The following ADAMTS16 variants were observed in gnomAD, a reference collection of about 807,000 sequenced individuals.
The protein encoded by ADAMTS16 is A disintegrin and metalloproteinase with thrombospondin motifs 16.
Under a neutral mutation model 145.8 loss-of-function variants are expected in ADAMTS16, and 94 were observed. The ratio of observed to expected loss-of-function variants is 0.64; its 90% CI spans 0.55 to 0.77. The LOEUF is 0.77. Among genes scored for constraint, ADAMTS16 ranks in the 30% least tolerant of loss-of-function variants. The probability of loss-of-function intolerance (pLI) is 0.00; values close to 1 mark genes in which losing one functional copy is unlikely to be tolerated. For synonymous variants in ADAMTS16, 659 were observed against 604.3 expected (o/e 1.09, Z -1.33); for missense variants, 1,585 against 1,591.5 (o/e 1.00, Z 0.07).
At chr5:5,232,878 C>T (rs1736978311) in intron 12 of ADAMTS16, among the ~76,000 whole-genome samples, 1 of 152,124 alleles carries the variant, frequency 6.6e-6, no homozygotes. Context: ...GCTGGGATTA[C>T]AGGTATGAGC....
chr5:5,148,256 A>G (rs1313660400), intron 3 of ADAMTS16, among the ~76,000 whole-genome samples: 1 of 152,202 alleles, frequency 6.6e-6, no homozygotes, highest in Non-Finnish European at 1.5e-5. Context: ...AACCAGACTT[A>G]AGAGTGTGAG....
chr5:5,224,113 G>C (rs548206165), intron 11 of ADAMTS16, among the ~76,000 whole-genome samples: 2 of 152,036 alleles, frequency 1.3e-5, no homozygotes, highest in South Asian at 2.1e-4. Context: ...TAAACTTATT[G>C]AGAATAGCCC....
chr5:5,204,709 A>T (rs1275331501), intron 9 of ADAMTS16, among the ~76,000 whole-genome samples: 3 of 152,146 alleles, frequency 2.0e-5, no homozygotes, highest in African/African-American at 7.2e-5. Flanking sequence ...TGAGTTTCCA[A>T]TTTTTGGCGA....
intron 12 of ADAMTS16, 84 bp downstream of exon 12, chr5:5,232,600 C>CTTTTT (rs748424956): frequency 1.5e-5 from 14 of 906,112 alleles, no homozygotes; most frequent in East Asian, 3.7e-5. Context: ...TGTCTCAGCT[C>CTTTTT]TTTTTTTTTT....
chr5:5,165,089 A>G (rs1373396553), intron 3 of ADAMTS16, among the ~76,000 whole-genome samples: 1 of 152,030 alleles, frequency 6.6e-6, no homozygotes, highest in Admixed American at 6.5e-5. Context: ...CCCAGAAAGC[A>G]CTCACATACC....
chr5:5,305,938 C>T (rs1740134041), intron 20 of ADAMTS16, among the ~76,000 whole-genome samples: 1 of 152,242 alleles, frequency 6.6e-6, no homozygotes, highest in Admixed American at 6.5e-5. Flanking sequence ...TTGCACAGGG[C>T]ACCTCTGCAC....
chr5:5,307,845 T>C (rs1740244359), intron 21 of ADAMTS16, among the ~76,000 whole-genome samples: 1 of 152,278 alleles, frequency 6.6e-6, no homozygotes, highest in Middle Eastern at 3.4e-3. Flanking sequence ...GTCACTGCAC[T>C]GGGGTCCTTG....
Position 5,262,714 on chromosome 5 carries a change from CCTT to C in ADAMTS16, c.2723_2725del (p.Phe908del). 6.2e-7 allele frequency: 1 copy of C among 1,614,230 alleles called. No individual in the cohort carries two copies. Among genetic ancestry groups the C allele is most frequent in the Non-Finnish European group, 8.5e-7 (1 of 1,180,046 alleles). On this transcript the variant is annotated inframe_deletion, in exon 18 of 23. Transcript: ENST00000274181. The stretch of plus-strand genomic sequence containing the variant: ...GACCTGAAGTTTCAAGTAAATATGT[CCTT>C]CTGCAATCCCAAGACACGACCTGTC...
At chr5:5,176,407 A>C (rs1375635216) in intron 3 of ADAMTS16, among the ~76,000 whole-genome samples, 7 of 152,200 alleles carry the variant, frequency 4.6e-5, no homozygotes, top group African/African-American at 9.6e-5. Flanking sequence ...TCTAAGCTCT[A>C]ATCAAAAATT....
chr5:5,265,982 AGAAGTGTGT>A (rs1458649803), intron 18 of ADAMTS16, among the ~76,000 whole-genome samples: 1 of 127,668 alleles, frequency 7.8e-6, no homozygotes, highest in Non-Finnish European at 1.6e-5. Flanking sequence ...TTAGACTTAA[AGAAGTGTGT>A]GTGTGTGTGT....
At chr5:5,226,877 C>T (rs1442004150) in intron 11 of ADAMTS16, among the ~76,000 whole-genome samples, 2 of 152,180 alleles carry the variant, frequency 1.3e-5, no homozygotes, top group Non-Finnish European at 2.9e-5. Context: ...GGAAAGAGAC[C>T]CTGGGTTCCT....
chr5:5,154,942 G>A (rs1734564440), intron 3 of ADAMTS16, among the ~76,000 whole-genome samples: 1 of 152,138 alleles, frequency 6.6e-6, no homozygotes, highest in Admixed American at 6.5e-5. Context: ...ATACAGGCCT[G>A]GGACTGTCTG....
intron 18 of ADAMTS16, among the ~76,000 whole-genome samples, chr5:5,290,920 C>T (rs190113871): frequency 1.9e-4 from 29 of 152,230 alleles, no homozygotes; most frequent in African/African-American, 5.5e-4. Context: ...GCGGGCTCTT[C>T]GGGCGTCACT....
intron 2 of ADAMTS16, among the ~76,000 whole-genome samples, chr5:5,141,883 T>C (rs1288431204): frequency 4.2e-5 from 5 of 119,230 alleles, no homozygotes; most frequent in Admixed American, 1.0e-4. Context: ...GCAAATGATA[T>C]AAAATGTTAA....
At chr5:5,308,170 C>T (rs1045777619) in intron 21 of ADAMTS16, among the ~76,000 whole-genome samples, 9 of 152,228 alleles carry the variant, frequency 5.9e-5, no homozygotes, top group African/African-American at 1.9e-4. Flanking sequence ...CCGCATCCTC[C>T]GTGGTTTCCA....
chr5:5,301,697 G>T (rs769313909), intron 18 of ADAMTS16, among the ~76,000 whole-genome samples: 1 of 152,162 alleles, frequency 6.6e-6, no homozygotes, highest in Non-Finnish European at 1.5e-5. Flanking sequence ...TCAGTGTGGG[G>T]GCACAGGATG....
At chr5:5,211,851 T>G (rs1437795710) in intron 10 of ADAMTS16, among the ~76,000 whole-genome samples, 2 of 152,166 alleles carry the variant, frequency 1.3e-5, no homozygotes, top group African/African-American at 4.8e-5. Flanking sequence ...GCCAAATAAT[T>G]CTCCAGATAA....
intron 3 of ADAMTS16, among the ~76,000 whole-genome samples, chr5:5,166,191 G>A (rs1734873215): frequency 6.6e-6 from 1 of 151,948 alleles, no homozygotes; most frequent in South Asian, 2.1e-4. Flanking sequence ...TGGGAACATG[G>A]AAACTGGGTA....
intron 17 of ADAMTS16, among the ~76,000 whole-genome samples, chr5:5,248,792 T>G (rs1737535226): frequency 6.6e-6 from 1 of 152,224 alleles, no homozygotes; most frequent in African/African-American, 2.4e-5. Context: ...CCAGTGGACA[T>G]ATGGCTGTCT....
Sources: gnomAD v4.1 joint callset for allele counts (sites outside exome capture counted in the v4.1 genomes callset) on GRCh38, gnomAD v4.1.1 for gene constraint, MANE v1.5 for transcripts, NCBI Gene and HGNC (gene_info 2026-07-23, HGNC 2026-07-21) for gene names.